XYLB: variants seen among roughly 807,000 people sequenced by gnomAD.
XYLB encodes xylulokinase.
A neutral mutation model predicts 78.7 loss-of-function variants in XYLB; 62 were observed. The observed-to-expected ratio is 0.79, with a 90% CI of 0.64 to 0.97. The LOEUF (loss-of-function observed/expected upper bound fraction) is 0.97. Ranked by LOEUF, XYLB falls within the 50% of genes least tolerant of loss-of-function variation. The pLI is 0.00. For missense variants in XYLB, 687 were observed against 676.8 expected (o/e 1.02, Z -0.17); for synonymous variants, 245 against 247.4 (o/e 0.99, Z 0.09).
At chr3:38,362,404 A>C (rs543863827) in intron 3 of XYLB, among the ~76,000 whole-genome samples, 1 of 152,188 alleles carries the variant, frequency 6.6e-6, no homozygotes, top group East Asian at 1.9e-4. Context: ...CACCCAGCTA[A>C]ATTTTTCATT....
intron 3 of XYLB, among the ~76,000 whole-genome samples, chr3:38,360,755 T>G (rs867009722): frequency 3.4e-4 from 52 of 152,320 alleles, no homozygotes; most frequent in Middle Eastern, 6.8e-3. Context: ...AAACATAGAC[T>G]GGGCATGGTG....
rs1337657236 is a variant in XYLB at position 38,370,005 on chromosome 3, C to T, written c.647-51C>T. The T allele has an allele frequency of 2.6e-6, 4 of 1,522,706 alleles. No individual in the cohort carries two copies. In the South Asian group the frequency reaches 3.4e-5, roughly 13 times the overall value. The allele number at this position is 1,522,706 out of a possible 1,614,324, so 94.3% of individuals were successfully genotyped here. ...TCTGTGCCAGATTTGTGCATTTTCA[C>T]AAAAGGTCCATTTTCAAGATTGTCT... On this transcript the variant is annotated intron_variant, in intron 8 of 18. Transcript: ENST00000207870.
chr3:38,437,225 A>T, the XYLB span, among the ~76,000 whole-genome samples: 1 of 152,218 alleles, frequency 6.6e-6, no homozygotes, highest in East Asian at 1.9e-4. Context: ...ACATCCCTTC[A>T]TGATAGTCTC....
chr3:38,372,847 C>T, intron 10 of XYLB, 111 bp downstream of exon 10: 1 of 1,150,270 alleles, frequency 8.7e-7, no homozygotes, highest in Non-Finnish European at 1.3e-6. Context: ...CATTCCTCAC[C>T]ACCCCCACCC....
chr3:38,365,381 C>T, intron 5 of XYLB, 96 bp downstream of exon 5: 1 of 1,398,388 alleles, frequency 7.2e-7, no homozygotes. Flanking sequence ...TGCAGCTGTG[C>T]TCACGCGCCC....
At position 38,384,099 on chromosome 3, in the gene XYLB, T is replaced by G. The variant is rs191710972; in HGVS notation, c.1291+4757T>G. ...TGTTTTTCTGGAGACAGGGTTTCAC[T>G]CCTGTTGCCCAGACTGGAGTGCAGT... On this transcript the variant is annotated intron_variant, in intron 15 of 18. Coordinates refer to ENST00000207870, the MANE Select transcript of XYLB (RefSeq NM_005108.4). Among the ~76,000 whole-genome samples, 517 of 152,200 alleles carry G rather than the reference T, an allele frequency of 3.4e-3. 3 individuals carry two copies. The highest frequency in any genetic ancestry group is 0.014 in the Middle Eastern group (4 of 294).
chr3:38,411,701 CT>C (rs1307937441), intron 18 of XYLB, among the ~76,000 whole-genome samples: 2 of 149,990 alleles, frequency 1.3e-5, no homozygotes, highest in Admixed American at 1.3e-4. Context: ...CTTTGGTTAA[CT>C]TTCTAGCTCT....
chr3:38,397,642 G>A lies in XYLB; in HGVS notation c.1438+483G>A, dbSNP rs117638423. ...GCTAAAACTCTGGGTATTAAGGGAA[G>A]CTCCCCGATCTAGGCGAGTTCTGGC... On this transcript the variant is annotated intron_variant, in intron 17 of 18. Transcript: ENST00000207870. 2.2e-3 allele frequency among the ~76,000 whole-genome samples: 337 copies of A among 152,218 alleles called. 5 individuals carry two copies. Among genetic ancestry groups the A allele is most frequent in the East Asian group, 5.2e-3 (27 of 5,162 alleles).
chr3:38,411,310 C>T (rs1219585584), intron 18 of XYLB, among the ~76,000 whole-genome samples: 6 of 151,684 alleles, frequency 4.0e-5, no homozygotes, highest in African/African-American at 1.2e-4. Context: ...TGTTCTCACT[C>T]ATAGGTGGGA....
intron 18 of XYLB, among the ~76,000 whole-genome samples, chr3:38,403,260 C>G (rs1708186666): frequency 6.7e-6 from 1 of 149,668 alleles, no homozygotes; most frequent in Admixed American, 6.7e-5. Context: ...CACCACTGCA[C>G]TCCAGCCTGG....
chr3:38,408,796 T>A (rs1011120532), intron 18 of XYLB, among the ~76,000 whole-genome samples: 1 of 151,552 alleles, frequency 6.6e-6, no homozygotes, highest in African/African-American at 2.4e-5. Context: ...AAGAAATGGA[T>A]AAATTCCTCG....
chr3:38,413,315 C>G lies in XYLB; in HGVS notation c.*302C>G, dbSNP rs1386020835. The G allele has an allele frequency of 3.3e-6, 1 of 302,052 alleles. No individual in the cohort carries two copies. Among genetic ancestry groups the G allele is most frequent in the East Asian group, 5.8e-5 (1 of 17,256 alleles). 18.7% of individuals were successfully genotyped at this position (302,052 alleles called of 1,614,324 possible). On this transcript the variant is annotated 3_prime_UTR_variant, in exon 19 of 19. Transcript: ENST00000207870. The stretch of plus-strand genomic sequence containing the variant: ...TGTCCAATAAAAACTATGACTTTTC[C>G]CCTTGCAGAGGCAGAATTAAAGCTA...
intron 2 of XYLB, among the ~76,000 whole-genome samples, chr3:38,358,541 A>G (rs1705801356): frequency 6.6e-6 from 1 of 151,836 alleles, no homozygotes. Flanking sequence ...ATGGGGTTTC[A>G]CCATATTGGC....
At chr3:38,419,980 C>A (rs559138258), downstream of XYLB, among the ~76,000 whole-genome samples, 7 of 152,080 alleles carry the variant, frequency 4.6e-5, no homozygotes, top group Non-Finnish European at 8.8e-5. Context: ...CAACCATGCC[C>A]AGCTAATTTT....
chr3:38,395,057 C>T (rs768732347), intron 15 of XYLB, among the ~76,000 whole-genome samples: 10 of 152,126 alleles, frequency 6.6e-5, no homozygotes, highest in African/African-American at 1.4e-4. Context: ...GTATACAAGT[C>T]GGCCCTATTG....
chr3:38,393,256 C>T (rs768680920), intron 15 of XYLB, among the ~76,000 whole-genome samples: 1 of 152,102 alleles, frequency 6.6e-6, no homozygotes, highest in East Asian at 1.9e-4. Flanking sequence ...GTTCCTCCCA[C>T]CTCAGCATCC....
chr3:38,374,123 G>A (rs1292229795), intron 10 of XYLB, among the ~76,000 whole-genome samples: 1 of 152,022 alleles, frequency 6.6e-6, no homozygotes, highest in Non-Finnish European at 1.5e-5. Context: ...TACTGCCTTT[G>A]TCTTTCTTTG....
intron 9 of XYLB, 92 bp from the exon 10 acceptor site, chr3:38,372,563 G>C: frequency 6.2e-7 from 1 of 1,601,478 alleles, no homozygotes; most frequent in Non-Finnish European, 8.5e-7. Context: ...CCTGGAGACT[G>C]TAGCGTTTTC....
At chr3:38,369,863 G>A (rs975354889) in intron 8 of XYLB, among the ~76,000 whole-genome samples, 193 bp from the exon 9 acceptor site, 8 of 152,236 alleles carry the variant, frequency 5.3e-5, no homozygotes, top group South Asian at 2.1e-4. Context: ...GTGTGGTGCC[G>A]TGTGTTTCCA....
Sources: allele counts gnomAD v4.1 joint callset (sites outside exome capture counted in the v4.1 genomes callset), GRCh38; gene constraint gnomAD v4.1.1; transcripts MANE v1.5; gene names NCBI Gene and HGNC (gene_info 2026-07-23, HGNC 2026-07-21).